The following RTL4 variants were observed in gnomAD, a reference collection of about 807,000 sequenced individuals.
The protein encoded by RTL4 is retrotransposon Gag-like protein 4.
In RTL4, 4 loss-of-function variants were observed where a neutral mutation model predicts 5.3. That is an observed-to-expected ratio of 0.75 (90% confidence interval 0.37 to 1.72). RTL4 has a LOEUF of 1.72. Among genes scored for constraint, RTL4 ranks in the 40% most tolerant of loss-of-function variants. The pLI, the probability that RTL4 is intolerant of heterozygous loss-of-function variation, is 0.04. For synonymous variants in RTL4, 98 were observed against 87.3 expected (o/e 1.12, Z -0.68); for missense variants, 260 against 227.1 (o/e 1.14, Z -0.93).
At chrX:112,419,636 A>ATGTATATATATAT in the RTL4 span, among the ~76,000 whole-genome samples, 1 of 9,727 alleles carries the variant, frequency 1.0e-4, no homozygotes, top group African/African-American at 1.7e-4. Flanking sequence ...TAAGTATGTA[A>ATGTATATATATAT]ATCTGACTCT....
At chrX:112,130,362 A>G in the RTL4 span, among the ~76,000 whole-genome samples, 19 of 108,880 alleles carry the variant, frequency 1.7e-4, no homozygotes, top group Non-Finnish European at 3.8e-5. Flanking sequence ...GCCAGCATCC[A>G]TGCAACTGTG....
At chrX:112,347,886 G>A in the RTL4 span, among the ~76,000 whole-genome samples, 1 of 110,951 alleles carries the variant, frequency 9.0e-6, no homozygotes, top group African/African-American at 3.3e-5. Flanking sequence ...GAGATTACAG[G>A]TTTGGCATCT....
chrX:112,186,785 C>T, the RTL4 span, among the ~76,000 whole-genome samples: 1 of 111,829 alleles, frequency 8.9e-6, no homozygotes, highest in African/African-American at 3.3e-5. Flanking sequence ...AACAGAAGTA[C>T]CTGCCTTTAC....
At chrX:112,456,330 A>C (rs988946542) in exon 1 of RTL4, 30 of 306,953 alleles carry the variant, frequency 9.8e-5, no homozygotes, top group African/African-American at 7.7e-4. Context: ...GCTATTTACA[A>C]ACCAGATTGA....
the RTL4 span, among the ~76,000 whole-genome samples, chrX:112,415,155 A>G: frequency 2.7e-5 from 3 of 111,758 alleles, no homozygotes; most frequent in Admixed American, 9.5e-5. Context: ...ACACACTCAT[A>G]TAACCAACCA....
chrX:112,134,340 T>A, the RTL4 span, among the ~76,000 whole-genome samples: 1 of 112,317 alleles, frequency 8.9e-6, no homozygotes, highest in South Asian at 3.7e-4. Flanking sequence ...AATATTAGAT[T>A]CTGTGGGACT....
chrX:112,083,163 C>G, the RTL4 span, among the ~76,000 whole-genome samples: 3 of 112,407 alleles, frequency 2.7e-5, no homozygotes, highest in East Asian at 8.5e-4. Context: ...AGACCTCCCC[C>G]TCCCCTGGGT....
At chrX:112,131,155 A>G in the RTL4 span, among the ~76,000 whole-genome samples, 1 of 109,017 alleles carries the variant, frequency 9.2e-6, no homozygotes, top group African/African-American at 3.4e-5. Flanking sequence ...ACATAAAAAT[A>G]TTGAGAAGTG....
the RTL4 span, among the ~76,000 whole-genome samples, chrX:112,286,158 G>T: frequency 8.9e-6 from 1 of 111,815 alleles, no homozygotes; most frequent in East Asian, 2.8e-4. Context: ...GAAAAAAACT[G>T]AACAAAAAGA....
the RTL4 span, among the ~76,000 whole-genome samples, chrX:112,092,154 A>G: frequency 2.7e-5 from 3 of 111,821 alleles, no homozygotes. Flanking sequence ...TCTTGCTTTT[A>G]AAGTCTGTTC....
chrX:112,203,464 T>C, the RTL4 span, among the ~76,000 whole-genome samples: 2 of 111,672 alleles, frequency 1.8e-5, no homozygotes, highest in African/African-American at 6.5e-5. Flanking sequence ...TTCATTTTTA[T>C]GCCCTAGTGT....
At chrX:112,428,681 G>A in the RTL4 span, among the ~76,000 whole-genome samples, 1 of 111,261 alleles carries the variant, frequency 9.0e-6, no homozygotes, top group Admixed American at 9.6e-5. Context: ...GTTTGATGGT[G>A]CTTTTGAGTT....
chrX:112,355,646 T>C, the RTL4 span, among the ~76,000 whole-genome samples: 1 of 111,031 alleles, frequency 9.0e-6, no homozygotes, highest in Admixed American at 9.6e-5. Flanking sequence ...GAGCAAGATG[T>C]TGCCAGAACT....
the RTL4 span, among the ~76,000 whole-genome samples, chrX:112,160,452 C>T: frequency 2.7e-5 from 3 of 111,986 alleles, no homozygotes; most frequent in Admixed American, 9.5e-5. Context: ...TCAAGCAATG[C>T]GCTTAGCATT....
At chrX:112,325,003 T>C in the RTL4 span, among the ~76,000 whole-genome samples, 2 of 111,654 alleles carry the variant, frequency 1.8e-5, no homozygotes, top group Admixed American at 9.6e-5. Flanking sequence ...TATACACCAA[T>C]AGCAGACAAA....
At chrX:112,146,545 A>C in the RTL4 span, among the ~76,000 whole-genome samples, 1 of 110,866 alleles carries the variant, frequency 9.0e-6, no homozygotes, top group Admixed American at 9.7e-5. Flanking sequence ...AAGAGGGAAG[A>C]GAGATCTGAA....
chrX:112,172,076 G>A, the RTL4 span, among the ~76,000 whole-genome samples: 7 of 112,637 alleles, frequency 6.2e-5, no homozygotes, highest in South Asian at 2.6e-3. Flanking sequence ...GCTCACGCCT[G>A]TAATCTCAGC....
At chrX:112,099,192 A>G in the RTL4 span, among the ~76,000 whole-genome samples, 1 of 112,058 alleles carries the variant, frequency 8.9e-6, no homozygotes, top group Non-Finnish European at 1.9e-5. Context: ...TTACCAGAAA[A>G]AAACAAACAA....
the RTL4 span, among the ~76,000 whole-genome samples, chrX:112,218,058 A>G: frequency 1.8e-5 from 2 of 111,811 alleles, no homozygotes; most frequent in Non-Finnish European, 3.8e-5. Flanking sequence ...AGGAAGAGTC[A>G]GGGTACCTGG....
Sources: gnomAD v4.1 joint callset for allele counts (sites outside exome capture counted in the v4.1 genomes callset) on GRCh38, gnomAD v4.1.1 for gene constraint, MANE v1.5 for transcripts, NCBI Gene and HGNC (gene_info 2026-07-23, HGNC 2026-07-21) for gene names.